NUDT16L1: variants seen among roughly 807,000 people sequenced by gnomAD.
NUDT16L1 encodes tudor-interacting repair regulator protein.
Under a neutral mutation model 17.3 loss-of-function variants are expected in NUDT16L1, and 19 were observed. The observed-to-expected ratio is 1.10, with a 90% CI of 0.77 to 1.61. The LOEUF (loss-of-function observed/expected upper bound fraction) is 1.61, where lower values mean the gene tolerates loss of function less well. NUDT16L1 is among the 40% of genes most tolerant of loss of function. The pLI is 0.00. For missense variants in NUDT16L1, 341 were observed against 292.0 expected, an observed-to-expected ratio of 1.17 and a Z score of -1.22; for synonymous variants, 255 against 138.6, an observed-to-expected ratio of 1.84 and a Z score of -5.90.
Position 4,693,877 on chromosome 16 carries a change from C to T in NUDT16L1, c.151C>T (p.Leu51=), listed in dbSNP as rs772034095. ...CCGCATCCCCATGCGCTTCTCGGTG[C>T]TGGTGAGGACGGGCGAGGGCGCGGG... Residue 51 remains leucine (L), a splice_region_variant and synonymous_variant, in exon 1 of 3, where the codon CTG becomes TTG. Coordinates refer to ENST00000304301, the Ensembl canonical transcript of NUDT16L1. 2.6e-6 allele frequency: 4 copies of T among 1,531,474 alleles called. No homozygotes were observed. Among genetic ancestry groups the T allele is most frequent in the East Asian group, 5.4e-5 (2 of 37,160 alleles). The allele number at this position is 1,531,474 out of a possible 1,614,324, so 94.9% of individuals were successfully genotyped here.
chr16:4,695,483 G>C, exon 3 of NUDT16L1: 2 of 565,262 alleles, frequency 3.5e-6, no homozygotes, highest in Non-Finnish European at 6.3e-6. Context: ...AGCTGGTAGA[G>C]ACCCAGGAGT....
intron 1 of NUDT16L1, 30 bp downstream of exon 1, chr16:4,693,909 TGCCGGCGCGGGCGGGCCCGGGCGGGGGC>T: frequency 6.8e-7 from 1 of 1,471,680 alleles, no homozygotes; most frequent in Non-Finnish European, 9.0e-7. Flanking sequence ...CGGGCGAGGG[TGCCGGCGCGGGCGGGCCCGGGCGGGGGC>T]GTCCGTCGAC....
At chr16:4,695,583 C>T (rs1213098378) in exon 3 of NUDT16L1, 6 of 444,322 alleles carry the variant, frequency 1.4e-5, no homozygotes, top group Non-Finnish European at 1.6e-5. Flanking sequence ...TCGGTCAGCT[C>T]ATTCCTGCCT....
chr16:4,693,797 G>A lies in NUDT16L1; in HGVS notation c.71G>A (p.Trp24Ter). ...GAGGCGATGCGCCTAGGGCCGGGCTGGAGCCACTCGTGCCACGCCATGCTG... is the reference window on the plus strand; with the variant it reads ...GAGGCGATGCGCCTAGGGCCGGGCTAGAGCCACTCGTGCCACGCCATGCTG... The change falls in exon 1 of 3, where the codon TGG (tryptophan) becomes TAG (stop). Residue 24 changes from tryptophan (W) to a stop codon, truncating the protein, a stop_gained. Transcript: ENST00000304301. LOFTEE classifies it high-confidence loss of function. 1 of 1,572,654 alleles carries A rather than the reference G, an allele frequency of 6.4e-7. No homozygotes were observed. Among genetic ancestry groups the A allele is most frequent in the Non-Finnish European group, 8.6e-7 (1 of 1,163,870 alleles).
exon 3 of NUDT16L1, chr16:4,695,480 A>G (rs1596331724): frequency 1.7e-6 from 1 of 574,942 alleles, no homozygotes; most frequent in East Asian, 2.8e-5. Context: ...CACAGCTGGT[A>G]GAGACCCAGG....
At chr16:4,693,835 C>A in exon 1 of NUDT16L1, 4 of 1,564,848 alleles carry the variant, frequency 2.6e-6, no homozygotes, top group Non-Finnish European at 3.4e-6. Context: ...CGCCGCCAAC[C>A]CTGGGCAGCT....
intron 2 of NUDT16L1, 182 bp downstream of exon 2, chr16:4,694,420 G>A (rs2079487518): frequency 6.8e-7 from 1 of 1,476,672 alleles, no homozygotes; most frequent in Non-Finnish European, 9.0e-7. Context: ...GAGGGGCGGG[G>A]GTGGGGGCCG....
At chr16:4,695,421 G>C (rs1596331669) in exon 3 of NUDT16L1, 2 of 594,900 alleles carry the variant, frequency 3.4e-6, no homozygotes, top group East Asian at 5.5e-5. Flanking sequence ...TCCAGCCTCA[G>C]GATGCTCTTG....
intron 2 of NUDT16L1, chr16:4,694,540 G>A (rs2079490698): frequency 1.4e-6 from 2 of 1,464,992 alleles, no homozygotes; most frequent in African/African-American, 1.4e-5. Context: ...GGGAGGAGCG[G>A]GGATTGCTTG....
intron 2 of NUDT16L1, chr16:4,694,501 G>T: frequency 1.3e-6 from 2 of 1,515,360 alleles, no homozygotes; most frequent in South Asian, 1.2e-5. Flanking sequence ...GGGAGTGGGG[G>T]AGTGGGATCG....
At chr16:4,694,388 T>C (rs1483421737) in intron 2 of NUDT16L1, 150 bp downstream of exon 2, 1 of 672,814 alleles carries the variant, frequency 1.5e-6, no homozygotes, top group Admixed American at 3.5e-5. Flanking sequence ...GAGAGGGGTC[T>C]GGGGCTGGGA....
At chr16:4,695,685 T>C (rs2079526601) in exon 3 of NUDT16L1, 2 of 404,500 alleles carry the variant, frequency 4.9e-6, no homozygotes, top group Non-Finnish European at 8.7e-6. Flanking sequence ...GGATTTACTT[T>C]GCTAGATTTT....
At chr16:4,694,774 G>C in intron 2 of NUDT16L1, 184 bp from the exon 3 acceptor site, 2 of 1,431,936 alleles carry the variant, frequency 1.4e-6, no homozygotes, top group Non-Finnish European at 9.1e-7. Flanking sequence ...CTTGCTTGGG[G>C]AGGAGGGGGC....
Position 4,693,967 on chromosome 16 carries a change from C to A in NUDT16L1, c.154-11C>A. ...GTCGACCCCGCGGCTGTGACCCGCG[C>A]TCCCTTGCAGATGCAGATGCGTTTC... On this transcript the variant is annotated splice_polypyrimidine_tract_variant and intron_variant, in intron 1 of 2. Transcript: ENST00000304301. 6.4e-7 allele frequency: 1 copy of A among 1,551,932 alleles called. No individual in the cohort carries two copies. Among genetic ancestry groups the A allele is most frequent in the South Asian group, 1.2e-5 (1 of 84,630 alleles).
intron 2 of NUDT16L1, 179 bp downstream of exon 2, chr16:4,694,417 G>A: frequency 6.7e-7 from 1 of 1,495,108 alleles, no homozygotes; most frequent in Non-Finnish European, 8.9e-7. Flanking sequence ...AAGGAGGGGC[G>A]GGGGTGGGGG....
chr16:4,694,399 G>A, intron 2 of NUDT16L1, 161 bp downstream of exon 2: 1 of 1,484,966 alleles, frequency 6.7e-7, no homozygotes, highest in Non-Finnish European at 8.9e-7. Flanking sequence ...GGGGCTGGGA[G>A]GCCGGGAAAG....
chr16:4,695,686 G>A (rs1427807245), exon 3 of NUDT16L1: 1 of 404,294 alleles, frequency 2.5e-6, no homozygotes, highest in African/African-American at 2.1e-5. Context: ...GATTTACTTT[G>A]CTAGATTTTC....
exon 2 of NUDT16L1, chr16:4,694,010 C>A: frequency 1.3e-6 from 2 of 1,584,498 alleles, no homozygotes; most frequent in Non-Finnish European, 1.7e-6. Context: ...TGCTGGGCTT[C>A]CCCGGGGGCT....
chr16:4,694,782 G>A, intron 2 of NUDT16L1, 176 bp from the exon 3 acceptor site: 5 of 1,440,736 alleles, frequency 3.5e-6, no homozygotes, highest in South Asian at 1.5e-5. Flanking sequence ...GGGAGGAGGG[G>A]GCTGCACTGC....
Sources: allele counts gnomAD v4.1 joint callset, GRCh38; gene constraint gnomAD v4.1.1; transcripts MANE v1.5; gene names NCBI Gene and HGNC (gene_info 2026-07-23, HGNC 2026-07-21).